The following FYN variants were observed in gnomAD, a reference collection of about 807,000 sequenced individuals.
FYN encodes tyrosine-protein kinase Fyn.
In FYN, 10 loss-of-function variants were observed where a neutral mutation model predicts 70.2. The ratio of observed to expected loss-of-function variants is 0.14; its 90% CI spans 0.09 to 0.24. The LOEUF is 0.24. Among genes scored for constraint, FYN ranks in the 10% least tolerant of loss-of-function variants. FYN has a pLI of 1.00. For synonymous variants in FYN, 236 were observed against 248.6 expected (o/e 0.95, Z 0.48); for missense variants, 319 against 673.1 (o/e 0.47, Z 5.82).
rs189909743 is a variant in FYN at position 111,854,860 on chromosome 6, C to T, written c.-122-8231G>A. Among the ~76,000 whole-genome samples, 15 of 152,294 alleles carry T rather than the reference C, an allele frequency of 9.8e-5. No homozygotes were observed. In the East Asian group the frequency reaches 2.9e-3, roughly 29 times the overall value. ...CACTGACTACATAAACCACAAGTCA[C>T]AAATCTGCTAAAGAGGCAACAGCAA... On this transcript the variant is annotated intron_variant, in intron 1 of 13. Coordinates refer to ENST00000354650, the MANE Select transcript of FYN (RefSeq NM_002037.5).
chr6:111,852,333 T>TA (rs912910509), intron 1 of FYN, among the ~76,000 whole-genome samples: 4 of 152,258 alleles, frequency 2.6e-5, no homozygotes, highest in African/African-American at 9.6e-5. Context: ...GCAGTAGACT[T>TA]AGAGGATGAG....
chr6:111,811,953 AG>A (rs1772338543), intron 2 of FYN, among the ~76,000 whole-genome samples: 1 of 152,144 alleles, frequency 6.6e-6, no homozygotes, highest in African/African-American at 2.4e-5. Context: ...TGCAGCACAA[AG>A]GAAGAAACAA....
intron 8 of FYN, among the ~76,000 whole-genome samples, chr6:111,702,158 A>G (rs1304888997): frequency 6.6e-6 from 1 of 152,222 alleles, no homozygotes; most frequent in Admixed American, 6.5e-5. Flanking sequence ...CATGTATTAT[A>G]TAGTGGCATA....
rs1479342587 is a variant in FYN at position 111,872,952 on chromosome 6, C to T, written c.-123+16G>A. ...TCCCCGAGGCCTCCCGCGACGCATCCCCGCCGCCTGCTTACCTGCGCGGCG... is the reference window on the plus strand; with the variant it reads ...TCCCCGAGGCCTCCCGCGACGCATCTCCGCCGCCTGCTTACCTGCGCGGCG... On this transcript the variant is annotated intron_variant, in intron 1 of 13. Coordinates refer to ENST00000354650, the MANE Select transcript of FYN (RefSeq NM_002037.5). The T allele has an allele frequency of 6.7e-6, 1 of 150,152 alleles. No homozygotes were observed. Among genetic ancestry groups the T allele is most frequent in the African/African-American group, 2.4e-5 (1 of 41,098 alleles). 9.3% of individuals were successfully genotyped at this position (150,152 alleles called of 1,614,324 possible). A position where few individuals can be genotyped will look rare whatever the true frequency, so the allele number is the denominator to read the frequency against.
chr6:111,715,453 C>T (rs550346985), intron 4 of FYN, among the ~76,000 whole-genome samples: 35 of 152,248 alleles, frequency 2.3e-4, no homozygotes, highest in African/African-American at 8.4e-4. Flanking sequence ...AAGCCCCTCC[C>T]CTTGAGTGTG....
chr6:111,843,110 G>A (rs7749147), intron 2 of FYN, among the ~76,000 whole-genome samples: 46,697 of 152,142 alleles, frequency 0.31, 11,715 homozygotes, highest in African/African-American at 0.7. Flanking sequence ...GAATGACACT[G>A]CAGGAATTCT....
chr6:111,817,173 G>T (rs1470195569), intron 2 of FYN, among the ~76,000 whole-genome samples: 1 of 151,984 alleles, frequency 6.6e-6, no homozygotes, highest in Non-Finnish European at 1.5e-5. Context: ...TGTGTATACA[G>T]GTGGGATTTG....
At chr6:111,727,391 CTTTACA>C in intron 3 of FYN, among the ~76,000 whole-genome samples, 1 of 152,268 alleles carries the variant, frequency 6.6e-6, no homozygotes, top group Non-Finnish European at 1.5e-5. Flanking sequence ...ATATGATTTG[CTTTACA>C]GGCAAAACTT....
intron 13 of FYN, among the ~76,000 whole-genome samples, chr6:111,665,201 T>C (rs1358429079): frequency 4.6e-5 from 7 of 152,248 alleles, no homozygotes; most frequent in Admixed American, 2.6e-4. Context: ...AAGTTGAGCA[T>C]TCCCTTTGCG....
intron 1 of FYN, among the ~76,000 whole-genome samples, chr6:111,850,683 C>G (rs1373198407): frequency 6.6e-6 from 1 of 152,256 alleles, no homozygotes; most frequent in African/African-American, 2.4e-5. Flanking sequence ...TCAATGCTCT[C>G]TGGCAACGGG....
intron 4 of FYN, among the ~76,000 whole-genome samples, chr6:111,718,752 G>A (rs940556803): frequency 2.0e-5 from 3 of 152,188 alleles, no homozygotes; most frequent in Non-Finnish European, 4.4e-5. Context: ...ACCCATGCAA[G>A]GCCTGGGTTA....
chr6:111,767,374 C>T (rs1029458489), intron 3 of FYN, among the ~76,000 whole-genome samples: 3 of 152,122 alleles, frequency 2.0e-5, no homozygotes, highest in Non-Finnish European at 2.9e-5. Flanking sequence ...ATTTTGGAAG[C>T]AATACTTACA....
chr6:111,702,578 G>A (rs993948475), intron 8 of FYN: 2 of 232,592 alleles, frequency 8.6e-6, no homozygotes, highest in Non-Finnish European at 1.6e-5. Context: ...GCAACGCGGG[G>A]AATGGGAAAA....
At chr6:111,717,606 C>T (rs559743498) in intron 4 of FYN, among the ~76,000 whole-genome samples, 18 of 152,192 alleles carry the variant, frequency 1.2e-4, no homozygotes, top group South Asian at 4.2e-4. Context: ...GGATTACAGG[C>T]GCCCACCACC....
At chr6:111,794,031 G>A (rs1286150270) in intron 2 of FYN, 1 of 152,334 alleles carries the variant, frequency 6.6e-6, no homozygotes, top group Non-Finnish European at 1.5e-5. Context: ...GGGGACTGTG[G>A]AGACCTCACT....
chr6:111,831,977 C>T (rs1773030779), intron 2 of FYN, among the ~76,000 whole-genome samples: 1 of 152,130 alleles, frequency 6.6e-6, no homozygotes, highest in South Asian at 2.1e-4. Flanking sequence ...AATCTGGCCC[C>T]CATCCGTCAC....
rs146636901 is a variant in FYN at position 111,683,040 on chromosome 6, C to G, written c.1274-8410G>C. ...CCCTCCTAATCAAAACACTCATCAA[C>G]CAATCACTGAGAATCTTCTGAGGGT... On this transcript the variant is annotated intron_variant, in intron 12 of 13. Transcript: ENST00000354650. Among the ~76,000 whole-genome samples, 56 of 152,338 alleles carry G rather than the reference C, an allele frequency of 3.7e-4. No homozygotes were observed. The East Asian group carries it at 0.01, about 28-fold the overall frequency.
chr6:111,690,307 G>C (rs1799261033), intron 12 of FYN, among the ~76,000 whole-genome samples: 1 of 152,104 alleles, frequency 6.6e-6, no homozygotes, highest in Non-Finnish European at 1.5e-5. Flanking sequence ...TCAGGGGAGG[G>C]CTGGAAGGCT....
chr6:111,698,182 A>G (rs935192576), intron 9 of FYN, among the ~76,000 whole-genome samples: 2 of 92,944 alleles, frequency 2.2e-5, no homozygotes. Context: ...CTGGAGTGCA[A>G]TGGTGCAATG....
Sources: allele counts gnomAD v4.1 joint callset (sites outside exome capture counted in the v4.1 genomes callset), GRCh38; gene constraint gnomAD v4.1.1; transcripts MANE v1.5; gene names NCBI Gene and HGNC (gene_info 2026-07-23, HGNC 2026-07-21).